Variants in ACOT7 observed in about 807,000 individuals in gnomAD.
ACOT7 encodes cytosolic acyl coenzyme A thioester hydrolase.
Under a neutral mutation model 40.2 loss-of-function variants are expected in ACOT7, and 12 were observed. The ratio of observed to expected loss-of-function variants is 0.30; its 90% CI spans 0.19 to 0.48. ACOT7 has a LOEUF of 0.48. Among genes scored for constraint, ACOT7 ranks in the 20% least tolerant of loss-of-function variants. The probability of loss-of-function intolerance (pLI) is 0.99; values close to 1 mark genes in which losing one functional copy is unlikely to be tolerated. For synonymous variants in ACOT7, 228 were observed against 219.5 expected, an observed-to-expected ratio of 1.04 and a Z score of -0.34; for missense variants, 395 against 530.8, an observed-to-expected ratio of 0.74 and a Z score of 2.51.
At chr1:6,339,381 GT>G in intron 3 of ACOT7, 51 bp downstream of exon 3, 1 of 1,609,984 alleles carries the variant, frequency 6.2e-7, no homozygotes, top group Non-Finnish European at 8.5e-7. Context: ...GGAAGCAGCT[GT>G]GTAGCCACGG....
chr1:6,332,218 G>A (rs1413665762), intron 4 of ACOT7, among the ~76,000 whole-genome samples: 1 of 152,148 alleles, frequency 6.6e-6, no homozygotes, highest in South Asian at 2.1e-4. Context: ...GCTCCCTGCC[G>A]GGGCCCACAC....
At chr1:6,307,250 G>A (rs892293923) in intron 6 of ACOT7, among the ~76,000 whole-genome samples, 5 of 152,230 alleles carry the variant, frequency 3.3e-5, no homozygotes, top group Non-Finnish European at 5.9e-5. Context: ...TGTTTCTCAC[G>A]TGCAGCGCAC....
At chr1:6,340,154 G>C (rs1178035932) in intron 2 of ACOT7, among the ~76,000 whole-genome samples, 1 of 152,096 alleles carries the variant, frequency 6.6e-6, no homozygotes, top group Non-Finnish European at 1.5e-5. Flanking sequence ...TTTTAGTAGA[G>C]ACGGGGTTTC....
chr1:6,337,250 A>G (rs1023684821), intron 3 of ACOT7, among the ~76,000 whole-genome samples: 8 of 152,146 alleles, frequency 5.3e-5, no homozygotes, highest in African/African-American at 1.9e-4. Context: ...GGAGGCCGAG[A>G]AGCTCCCAGC....
intron 1 of ACOT7, among the ~76,000 whole-genome samples, chr1:6,379,997 C>T (rs368832984): frequency 3.4e-4 from 52 of 151,752 alleles, no homozygotes; most frequent in African/African-American, 1.1e-3. Context: ...ACCCAGGAGG[C>T]GGAGGTTGCA....
chr1:6,298,057 C>A (rs549433454), intron 6 of ACOT7, among the ~76,000 whole-genome samples: 3 of 152,148 alleles, frequency 2.0e-5, no homozygotes, highest in Admixed American at 2.0e-4. Context: ...GGTTCACGCT[C>A]GCTGCACTTT....
chr1:6,348,629 T>C (rs1641500884), intron 2 of ACOT7, among the ~76,000 whole-genome samples: 1 of 152,216 alleles, frequency 6.6e-6, no homozygotes, highest in Admixed American at 6.5e-5. Flanking sequence ...GTGACATCTA[T>C]GAACCAGGAA....
At chr1:6,285,995 C>T (rs762142470) in intron 7 of ACOT7, among the ~76,000 whole-genome samples, 16 of 152,204 alleles carry the variant, frequency 1.1e-4, no homozygotes, top group African/African-American at 1.4e-4. Flanking sequence ...TCCACTTCCA[C>T]GCACCTGTCT....
intron 1 of ACOT7, among the ~76,000 whole-genome samples, chr1:6,381,710 G>T (rs557068424): frequency 8.6e-4 from 130 of 151,850 alleles, no homozygotes; most frequent in African/African-American, 2.9e-3. Context: ...CTAAAAACGG[G>T]GTCTCTGCTG....
At chr1:6,302,898 C>G (rs7526186) in intron 6 of ACOT7, among the ~76,000 whole-genome samples, 9,849 of 152,222 alleles carry the variant, frequency 0.065, 956 homozygotes, top group African/African-American at 0.21. Context: ...ACAGCACACA[C>G]AAGACACTAC....
chr1:6,389,890 T>C (rs1642504313), intron 1 of ACOT7, among the ~76,000 whole-genome samples: 1 of 152,200 alleles, frequency 6.6e-6, no homozygotes, highest in African/African-American at 2.4e-5. Flanking sequence ...TCACCCCTGC[T>C]AGACTGTGAC....
In ACOT7 at chr1:6,264,567, C is replaced by T; in HGVS notation, c.*30G>A. On this transcript the variant is annotated 3_prime_UTR_variant, in exon 9 of 9. Transcript: ENST00000361521. ...GACACTGGGCCCGTTGCCATGGCTA[C>T]TCGAGGCACCAGTGGCAGGAGGAGG... 3.1e-6 allele frequency: 5 copies of T among 1,600,762 alleles called. No homozygotes were observed. Among genetic ancestry groups the T allele is most frequent in the Non-Finnish European group, 4.3e-6 (5 of 1,173,384 alleles).
intron 1 of ACOT7, 112 bp downstream of exon 1, chr1:6,393,145 C>G (rs1373110429): frequency 9.8e-6 from 11 of 1,128,196 alleles, no homozygotes. Flanking sequence ...TGCGGGGAAT[C>G]GGCGGGCGGG....
chr1:6,382,111 C>A (rs1642348190), intron 1 of ACOT7, among the ~76,000 whole-genome samples: 1 of 140,544 alleles, frequency 7.1e-6, no homozygotes, highest in African/African-American at 2.7e-5. Flanking sequence ...GCACTCCAGC[C>A]TGGGCGAAAG....
intron 6 of ACOT7, among the ~76,000 whole-genome samples, chr1:6,304,964 G>A (rs1317804651): frequency 6.7e-6 from 1 of 149,488 alleles, no homozygotes; most frequent in Non-Finnish European, 1.5e-5. Context: ...CTTCCCAGTA[G>A]GGGCGGCCGG....
chr1:6,340,316 GCA>G (rs1216587257), intron 2 of ACOT7, among the ~76,000 whole-genome samples: 1 of 152,198 alleles, frequency 6.6e-6, no homozygotes, highest in Non-Finnish European at 1.5e-5. Flanking sequence ...GAGGAGCCCT[GCA>G]GAGTCCAGCC....
At chr1:6,361,638 G>A (rs1316732789) in intron 1 of ACOT7, among the ~76,000 whole-genome samples, 1 of 151,966 alleles carries the variant, frequency 6.6e-6, no homozygotes, top group African/African-American at 2.4e-5. Context: ...CACCACTAGT[G>A]AAAAGAAAGT....
At chr1:6,386,275 TC>T (rs759071923) in intron 1 of ACOT7, among the ~76,000 whole-genome samples, 2 of 152,228 alleles carry the variant, frequency 1.3e-5, no homozygotes, top group East Asian at 3.9e-4. Flanking sequence ...TCCCTGACCT[TC>T]CCCGCCCCTG....
intron 1 of ACOT7, among the ~76,000 whole-genome samples, chr1:6,380,459 G>T (rs1349463375): frequency 6.6e-6 from 1 of 151,002 alleles, no homozygotes; most frequent in African/African-American, 2.4e-5. Flanking sequence ...AATTAGCCAG[G>T]CATGGTGGCA....
Sources: allele counts gnomAD v4.1 joint callset (sites outside exome capture counted in the v4.1 genomes callset), GRCh38; gene constraint gnomAD v4.1.1; transcripts MANE v1.5; gene names NCBI Gene and HGNC (gene_info 2026-07-23, HGNC 2026-07-21).